The following IGF2BP3 variants were observed in gnomAD, a reference collection of about 807,000 sequenced individuals.
IGF2BP3 encodes insulin-like growth factor 2 mRNA-binding protein 3.
Under a neutral mutation model 73.8 loss-of-function variants are expected in IGF2BP3, and 9 were observed. That is an observed-to-expected ratio of 0.12 (90% CI 0.07 to 0.21). The LOEUF (loss-of-function observed/expected upper bound fraction) is 0.21. Among genes scored for constraint, IGF2BP3 ranks in the 10% least tolerant of loss-of-function variants. The pLI is 1.00. For synonymous variants in IGF2BP3, 258 were observed against 256.7 expected, an observed-to-expected ratio of 1.01 and a Z score of -0.05; for missense variants, 542 against 714.0, an observed-to-expected ratio of 0.76 and a Z score of 2.75.
intron 3 of IGF2BP3, among the ~76,000 whole-genome samples, chr7:23,384,860 C>T (rs887240953): frequency 8.6e-5 from 13 of 151,372 alleles, no homozygotes; most frequent in South Asian, 4.2e-4. Flanking sequence ...CACTGTACTC[C>T]GGCCTGGGTG....
At position 23,374,268 on chromosome 7, in the gene IGF2BP3, T is replaced by C. The variant is rs537813080; in HGVS notation, c.286-12527A>G. Among the ~76,000 whole-genome samples the C allele has an allele frequency of 3.9e-5, 6 of 152,248 alleles. 1 individual carries two copies. Among genetic ancestry groups the C allele is most frequent in the Admixed American group, 3.3e-4 (5 of 15,286 alleles). On this transcript the variant is annotated intron_variant, in intron 3 of 14. Transcript: ENST00000258729. Reference sequence around the variant, plus strand: ...AATGAATGGATAAAACAAAACATGGTACATATAAACAGTCATCCCTCGGTA... The same window carrying C: ...AATGAATGGATAAAACAAAACATGGCACATATAAACAGTCATCCCTCGGTA...
At chr7:23,329,549 G>A (rs1444122363) in intron 10 of IGF2BP3, among the ~76,000 whole-genome samples, 1 of 152,190 alleles carries the variant, frequency 6.6e-6, no homozygotes, top group Non-Finnish European at 1.5e-5. Flanking sequence ...AAAGGCCCCT[G>A]CTCAGTCTAT....
intron 7 of IGF2BP3, among the ~76,000 whole-genome samples, chr7:23,346,853 A>G (rs1784841450): frequency 6.6e-6 from 1 of 152,024 alleles, no homozygotes; most frequent in Non-Finnish European, 1.5e-5. Flanking sequence ...GGCCTCCCAA[A>G]GTGCTGGGAT....
intron 5 of IGF2BP3, among the ~76,000 whole-genome samples, chr7:23,354,594 A>C (rs1327669482): frequency 2.6e-5 from 4 of 152,246 alleles, no homozygotes; most frequent in Non-Finnish European, 4.4e-5. Flanking sequence ...TCTATATTCT[A>C]GAACCATCTA....
At position 23,470,186 on chromosome 7, in the gene IGF2BP3, C is replaced by G. The variant is rs751980848; in HGVS notation, c.-76G>C. 4.0e-6 allele frequency: 5 copies of G among 1,252,874 alleles called. No homozygotes were observed. Among genetic ancestry groups the G allele is most frequent in the Admixed American group, 2.2e-5 (1 of 46,412 alleles). 77.6% of individuals were successfully genotyped at this position (1,252,874 alleles called of 1,614,324 possible). A position where few individuals can be genotyped will look rare whatever the true frequency, so the allele number is the denominator to read the frequency against. ...AAACCACCCACGGTGATGGATGGAT[C>G]CAGCTGGTTTTGTTCCCCTCGTCTT... On this transcript the variant is annotated 5_prime_UTR_variant, in exon 1 of 15. Coordinates refer to ENST00000258729, the MANE Select transcript of IGF2BP3 (RefSeq NM_006547.3).
rs150618003 is a variant in IGF2BP3 at position 23,458,510 on chromosome 7, T to C, written c.236+9972A>G. Among the ~76,000 whole-genome samples, 59 of 152,290 alleles carry C rather than the reference T, an allele frequency of 3.9e-4. 1 individual carries two copies. The highest frequency in any genetic ancestry group is 4.4e-5 in the Non-Finnish European group (3 of 68,022). ...CCGTGGACTCCACTCCAGATACCTC[T>C]ACCTCTTGCAATCTAAGAACATATC... On this transcript the variant is annotated intron_variant, in intron 2 of 14. Transcript: ENST00000258729.
intron 3 of IGF2BP3, among the ~76,000 whole-genome samples, chr7:23,394,235 G>A (rs952348714): frequency 3.3e-5 from 5 of 152,134 alleles, no homozygotes; most frequent in African/African-American, 9.7e-5. Context: ...GGCAGGCCAG[G>A]GCAAGCTAAG....
At chr7:23,398,671 G>A (rs1315066505) in intron 3 of IGF2BP3, among the ~76,000 whole-genome samples, 1 of 152,178 alleles carries the variant, frequency 6.6e-6, no homozygotes, top group Admixed American at 6.5e-5. Context: ...CAGTGATGAT[G>A]AGCATTTTTT....
chr7:23,409,476 T>C (rs1786947969), intron 3 of IGF2BP3, among the ~76,000 whole-genome samples: 1 of 151,790 alleles, frequency 6.6e-6, no homozygotes, highest in Non-Finnish European at 1.5e-5. Context: ...GTTGAAGGAA[T>C]AATACTATTC....
intron 3 of IGF2BP3, among the ~76,000 whole-genome samples, chr7:23,390,164 T>G (rs571114041): frequency 6.6e-6 from 1 of 152,158 alleles, no homozygotes; most frequent in Non-Finnish European, 1.5e-5. Flanking sequence ...TAAAGCAACA[T>G]AGAATTTCTA....
chr7:23,448,512 C>T (rs1788117682), intron 2 of IGF2BP3, among the ~76,000 whole-genome samples: 1 of 152,198 alleles, frequency 6.6e-6, no homozygotes, highest in South Asian at 2.1e-4. Context: ...AAGCAATCTT[C>T]CCACCTCAGC....
intron 2 of IGF2BP3, among the ~76,000 whole-genome samples, chr7:23,438,197 G>A (rs1366659983): frequency 6.6e-6 from 1 of 152,174 alleles, no homozygotes; most frequent in Non-Finnish European, 1.5e-5. Context: ...TCGGCTCACT[G>A]CAACCTCCAC....
chr7:23,454,685 G>A (rs1016298296), intron 2 of IGF2BP3, among the ~76,000 whole-genome samples: 26 of 152,172 alleles, frequency 1.7e-4, no homozygotes, highest in Admixed American at 1.7e-3. Flanking sequence ...TTCCTACTGA[G>A]GCCTGTGTAG....
chr7:23,437,235 A>C (rs963821582), intron 2 of IGF2BP3, among the ~76,000 whole-genome samples: 10 of 152,020 alleles, frequency 6.6e-5, no homozygotes, highest in African/African-American at 2.4e-4. Context: ...TAATCTCAGC[A>C]CTTTGGGAGG....
At chr7:23,334,841 T>G (rs1458979820) in intron 10 of IGF2BP3, among the ~76,000 whole-genome samples, 1 of 152,138 alleles carries the variant, frequency 6.6e-6, no homozygotes, top group Non-Finnish European at 1.5e-5. Flanking sequence ...AGGTTAAGTG[T>G]ATTTACTTTG....
intron 6 of IGF2BP3, among the ~76,000 whole-genome samples, chr7:23,349,148 G>T (rs574780424): frequency 3.0e-4 from 45 of 152,132 alleles, no homozygotes; most frequent in Non-Finnish European, 5.4e-4. Flanking sequence ...ATAAGTACAA[G>T]AAAGAAAATT....
intron 3 of IGF2BP3, among the ~76,000 whole-genome samples, chr7:23,382,027 G>C (rs1176935044): frequency 6.6e-6 from 1 of 152,074 alleles, no homozygotes; most frequent in African/African-American, 2.4e-5. Flanking sequence ...AGGCTGAGGC[G>C]GGAGAATCAC....
At chr7:23,394,152 C>T (rs1176574338) in intron 3 of IGF2BP3, among the ~76,000 whole-genome samples, 1 of 152,142 alleles carries the variant, frequency 6.6e-6, no homozygotes, top group African/African-American at 2.4e-5. Context: ...CACACCTGCA[C>T]AACTTAAAAA....
At chr7:23,349,945 C>T (rs1264856751) in intron 6 of IGF2BP3, among the ~76,000 whole-genome samples, 1 of 152,148 alleles carries the variant, frequency 6.6e-6, no homozygotes, top group Non-Finnish European at 1.5e-5. Context: ...TAAAGCCAGG[C>T]CGACTGACTA....
Sources: gnomAD v4.1 joint callset for allele counts (sites outside exome capture counted in the v4.1 genomes callset) on GRCh38, gnomAD v4.1.1 for gene constraint, MANE v1.5 for transcripts, NCBI Gene and HGNC (gene_info 2026-07-23, HGNC 2026-07-21) for gene names.